SEPTIN14: variants seen among roughly 807,000 people sequenced by gnomAD.
The protein encoded by SEPTIN14 is septin 14.
In SEPTIN14, 40 loss-of-function variants were observed where a neutral mutation model predicts 53.6. The ratio of observed to expected loss-of-function variants is 0.75; its 90% confidence interval spans 0.58 to 0.97. SEPTIN14 has a LOEUF of 0.97. Among genes scored for constraint, SEPTIN14 ranks in the 50% least tolerant of loss-of-function variants. The pLI, the probability that SEPTIN14 is intolerant of heterozygous loss-of-function variation, is 0.00. For missense variants in SEPTIN14, 471 were observed against 508.2 expected (o/e 0.93, Z 0.70); for synonymous variants, 138 against 166.8 (o/e 0.83, Z 1.33).
chr7:55,796,607 C>A (rs1788436352), intron 9 of SEPTIN14, among the ~76,000 whole-genome samples: 1 of 152,036 alleles, frequency 6.6e-6, no homozygotes, highest in Non-Finnish European at 1.5e-5. Context: ...GATCCTCCCA[C>A]CTCAGCTTCC....
chr7:55,821,684 G>A (rs1435375527), intron 6 of SEPTIN14, among the ~76,000 whole-genome samples: 1 of 152,088 alleles, frequency 6.6e-6, no homozygotes, highest in Non-Finnish European at 1.5e-5. Flanking sequence ...GGATATTTGG[G>A]TTGCTTCCAT....
intron 7 of SEPTIN14, among the ~76,000 whole-genome samples, chr7:55,817,604 G>A (rs1025466360): frequency 2.0e-5 from 3 of 151,684 alleles, no homozygotes; most frequent in Admixed American, 6.6e-5. Flanking sequence ...CAAGTAGCTG[G>A]GACTACAGGT....
chr7:55,828,702 C>T (rs146530481), intron 6 of SEPTIN14, among the ~76,000 whole-genome samples: 2,700 of 152,210 alleles, frequency 0.018, 40 homozygotes, highest in Middle Eastern at 0.041. Context: ...GAGAAGTCGG[C>T]TGTTAGTCTA....
intron 6 of SEPTIN14, among the ~76,000 whole-genome samples, chr7:55,833,043 G>C (rs1299283519): frequency 6.6e-6 from 1 of 151,940 alleles, no homozygotes; most frequent in African/African-American, 2.4e-5. Context: ...TCGCCTGTGT[G>C]GTGGCTCACG....
intron 2 of SEPTIN14, among the ~76,000 whole-genome samples, chr7:55,848,941 G>A (rs1789473223): frequency 6.6e-6 from 1 of 152,006 alleles, no homozygotes; most frequent in Non-Finnish European, 1.5e-5. Flanking sequence ...TATTATAAAT[G>A]TGCAGAGACA....
intron 7 of SEPTIN14, among the ~76,000 whole-genome samples, chr7:55,813,950 T>C (rs1377184595): frequency 2.0e-5 from 3 of 152,122 alleles, no homozygotes; most frequent in Non-Finnish European, 4.4e-5. Flanking sequence ...GCTGGTTTCA[T>C]ATGTGACCCA....
At chr7:55,804,134 T>TAAAAA (rs35467838) in intron 9 of SEPTIN14, among the ~76,000 whole-genome samples, 14 of 47,060 alleles carry the variant, frequency 3.0e-4, no homozygotes, top group African/African-American at 9.6e-4. Context: ...AGACTCTGTC[T>TAAAAA]AAAAAAAAAA....
At chr7:55,846,689 A>G in intron 2 of SEPTIN14, 52 bp from the exon 3 acceptor site, 1 of 1,005,914 alleles carries the variant, frequency 9.9e-7, no homozygotes, top group Non-Finnish European at 1.5e-6. Flanking sequence ...AAATGAAGTC[A>G]TTTGAAAGGA....
chr7:55,802,150 G>A (rs1437570043), intron 9 of SEPTIN14, among the ~76,000 whole-genome samples: 5 of 151,752 alleles, frequency 3.3e-5, no homozygotes, highest in South Asian at 4.2e-4. Context: ...GATTACAGCC[G>A]CACACCACCA....
At chr7:55,817,054 T>C (rs1788804488) in intron 7 of SEPTIN14, among the ~76,000 whole-genome samples, 1 of 152,126 alleles carries the variant, frequency 6.6e-6, no homozygotes, top group Non-Finnish European at 1.5e-5. Context: ...AGTCAGTATG[T>C]CAGAGAGATA....
At chr7:55,821,751 A>C (rs556180428) in intron 6 of SEPTIN14, among the ~76,000 whole-genome samples, 2 of 152,346 alleles carry the variant, frequency 1.3e-5, no homozygotes, top group African/African-American at 4.8e-5. Context: ...TATCTAAGTA[A>C]GACCCTGCTT....
chr7:55,834,553 T>G lies in SEPTIN14; in HGVS notation c.592A>C (p.Thr198Pro). Reference protein sequence around the residue: ...NIIPLIAKADTISKNDLQTFK... With the variant: ...NIIPLIAKADPISKNDLQTFK... ...GTCTGTAAATCATTTTTAGAAATAG[T>G]GTCTGCTTTGGCAATCAGTGGTATA... The change falls in exon 6 of 10, where the codon ACT becomes CCT. Residue 198 changes from threonine (T) to proline (P), a missense_variant. By Grantham distance (38) the Thr-to-Pro change is conservative. Coordinates refer to ENST00000388975, the MANE Select transcript of SEPTIN14 (RefSeq NM_207366.3). 1 of 1,610,912 alleles carries G rather than the reference T, an allele frequency of 6.2e-7. No homozygotes were observed. Among genetic ancestry groups the G allele is most frequent in the Non-Finnish European group, 8.5e-7 (1 of 1,177,676 alleles).
chr7:55,816,915 T>C (rs1202581484), intron 7 of SEPTIN14, among the ~76,000 whole-genome samples: 18 of 152,232 alleles, frequency 1.2e-4, no homozygotes, highest in Admixed American at 1.2e-3. Context: ...TTGTACACTG[T>C]TGGTGGCAAT....
intron 6 of SEPTIN14, among the ~76,000 whole-genome samples, chr7:55,829,630 G>A (rs149202402): frequency 1.1e-4 from 17 of 151,922 alleles, no homozygotes; most frequent in South Asian, 2.1e-4. Flanking sequence ...GGAGCTGGAG[G>A]TGCAGAGGGC....
chr7:55,839,553 C>G (rs1789269961), intron 5 of SEPTIN14, among the ~76,000 whole-genome samples: 1 of 152,074 alleles, frequency 6.6e-6, no homozygotes, highest in South Asian at 2.1e-4. Flanking sequence ...TAAAAGAGAA[C>G]TGCATCTCAT....
At chr7:55,845,921 C>T (rs1037099722) in intron 3 of SEPTIN14, among the ~76,000 whole-genome samples, 3 of 149,018 alleles carry the variant, frequency 2.0e-5, no homozygotes, top group East Asian at 2.0e-4. Flanking sequence ...TATTGGCGGG[C>T]GCCTGTAGTC....
chr7:55,855,844 G>A (rs762346940), intron 2 of SEPTIN14, among the ~76,000 whole-genome samples: 11 of 152,022 alleles, frequency 7.2e-5, no homozygotes, highest in South Asian at 2.1e-4. Context: ...GAACTACCAC[G>A]CCCAGGCCTG....
intron 2 of SEPTIN14, among the ~76,000 whole-genome samples, chr7:55,860,356 G>C (rs1229784172): frequency 6.6e-6 from 1 of 151,720 alleles, no homozygotes; most frequent in African/African-American, 2.4e-5. Flanking sequence ...AGAGTAGAAT[G>C]ATAGCTACCA....
intron 7 of SEPTIN14, among the ~76,000 whole-genome samples, chr7:55,812,362 T>C (rs879417429): frequency 1.3e-5 from 2 of 152,170 alleles, no homozygotes; most frequent in Non-Finnish European, 2.9e-5. Flanking sequence ...ATCTCACTTA[T>C]ATGTGGTAAC....
Sources: allele counts gnomAD v4.1 joint callset (sites outside exome capture counted in the v4.1 genomes callset), GRCh38; gene constraint gnomAD v4.1.1; transcripts MANE v1.5; gene names NCBI Gene and HGNC (gene_info 2026-07-23, HGNC 2026-07-21).